The following AOPEP variants were observed in gnomAD, a reference collection of about 807,000 sequenced individuals.
The protein encoded by AOPEP is aminopeptidase O.
Under a neutral mutation model 98.1 loss-of-function variants are expected in AOPEP, and 77 were observed. The observed-to-expected ratio is 0.78, with a 90% CI of 0.65 to 0.95. The LOEUF (loss-of-function observed/expected upper bound fraction) is 0.95, where lower values mean the gene tolerates loss of function less well. Ranked by LOEUF, AOPEP falls within the 40% of genes least tolerant of loss-of-function variation. The pLI is 0.00. For synonymous variants in AOPEP, 346 were observed against 365.3 expected (o/e 0.95, Z 0.60); for missense variants, 1,024 against 1,024.7 (o/e 1.00, Z 0.01).
At chr9:95,056,490 T>C (rs2066833143) in intron 13 of AOPEP, 1 of 152,300 alleles carries the variant, frequency 6.6e-6, no homozygotes, top group Non-Finnish European at 1.5e-5. Flanking sequence ...GAAGAAATGG[T>C]GGCGGAACCT....
At chr9:94,874,587 A>G (rs1191061133) in intron 5 of AOPEP, among the ~76,000 whole-genome samples, 3 of 152,088 alleles carry the variant, frequency 2.0e-5, no homozygotes, top group Non-Finnish European at 4.4e-5. Context: ...TAAAAGAATT[A>G]TTGTTTTGAT....
At chr9:94,847,909 T>G (rs962153712) in intron 5 of AOPEP, among the ~76,000 whole-genome samples, 2 of 152,238 alleles carry the variant, frequency 1.3e-5, no homozygotes, top group African/African-American at 4.8e-5. Context: ...AGTTCTTTAC[T>G]TGGTCCTTGG....
chr9:94,871,009 C>G (rs1342587147), intron 5 of AOPEP, among the ~76,000 whole-genome samples: 1 of 152,132 alleles, frequency 6.6e-6, no homozygotes, highest in African/African-American at 2.4e-5. Context: ...TCTTTCTTTC[C>G]ACTCCTTTTT....
At chr9:95,094,952 T>C in the AOPEP span, among the ~76,000 whole-genome samples, 16 of 152,358 alleles carry the variant, frequency 1.1e-4, no homozygotes, top group Admixed American at 9.8e-4. Context: ...CTTCTAAGGC[T>C]GAGGACCATC....
chr9:94,871,555 TGGA>T (rs1314904270), intron 5 of AOPEP, among the ~76,000 whole-genome samples: 1 of 152,238 alleles, frequency 6.6e-6, no homozygotes, highest in Non-Finnish European at 1.5e-5. Context: ...TTACTAATGT[TGGA>T]GTGTCAGATT....
chr9:95,083,597 C>T (rs557754017), intron 16 of AOPEP, among the ~76,000 whole-genome samples: 1 of 151,654 alleles, frequency 6.6e-6, no homozygotes, highest in Admixed American at 6.6e-5. Flanking sequence ...ACACACAGCA[C>T]ATGCACCACA....
the AOPEP span, among the ~76,000 whole-genome samples, chr9:95,118,823 G>A: frequency 6.6e-6 from 1 of 152,226 alleles, no homozygotes; most frequent in Non-Finnish European, 1.5e-5. Flanking sequence ...TCCTCTTGAT[G>A]TGCATTTGGG....
intron 14 of AOPEP, among the ~76,000 whole-genome samples, chr9:95,070,668 A>G (rs1384721015): frequency 2.0e-5 from 3 of 152,278 alleles, no homozygotes; most frequent in African/African-American, 7.2e-5. Context: ...TGCATGCCCC[A>G]GACTTGCATG....
chr9:95,086,292 C>T, intron 16 of AOPEP: 4 of 985,434 alleles, frequency 4.1e-6, no homozygotes, highest in Non-Finnish European at 4.8e-6. Flanking sequence ...GTTAAGAGCT[C>T]CCAGGCCTGA....
intron 13 of AOPEP, among the ~76,000 whole-genome samples, chr9:95,052,799 A>G (rs1310653987): frequency 6.6e-6 from 1 of 152,204 alleles, no homozygotes; most frequent in African/African-American, 2.4e-5. Flanking sequence ...ATATTTTATA[A>G]TTTGTTAGTA....
the AOPEP span, among the ~76,000 whole-genome samples, chr9:95,094,667 CTT>C: frequency 1.8e-4 from 27 of 152,232 alleles, no homozygotes; most frequent in African/African-American, 6.3e-4. Context: ...ATCTCTGCCT[CTT>C]TTTTCTTTTT....
chr9:94,988,521 C>A (rs1221287707), intron 11 of AOPEP, among the ~76,000 whole-genome samples: 2 of 152,132 alleles, frequency 1.3e-5, no homozygotes, highest in Non-Finnish European at 2.9e-5. Flanking sequence ...AGAGAGAAAG[C>A]TAATATTTGC....
At chr9:94,952,343 G>T (rs915081121) in intron 7 of AOPEP, among the ~76,000 whole-genome samples, 3 of 152,184 alleles carry the variant, frequency 2.0e-5, no homozygotes, top group African/African-American at 7.2e-5. Context: ...GGATTTTTAT[G>T]ATTTATCCCC....
At chr9:94,866,721 T>C (rs2045743733) in intron 5 of AOPEP, among the ~76,000 whole-genome samples, 1 of 152,222 alleles carries the variant, frequency 6.6e-6, no homozygotes, top group Non-Finnish European at 1.5e-5. Context: ...ACATCAAATA[T>C]AAGTCTTTTT....
At chr9:94,835,010 C>T (rs2041407856) in intron 5 of AOPEP, among the ~76,000 whole-genome samples, 1 of 151,984 alleles carries the variant, frequency 6.6e-6, no homozygotes, top group Non-Finnish European at 1.5e-5. Flanking sequence ...CTTATGGGTA[C>T]CTGAGAAAGG....
the AOPEP span, among the ~76,000 whole-genome samples, chr9:95,125,361 G>A: frequency 6.6e-6 from 1 of 152,190 alleles, no homozygotes; most frequent in Admixed American, 6.5e-5. Flanking sequence ...GTCGCTCCCT[G>A]TTATATTTTC....
intron 5 of AOPEP, among the ~76,000 whole-genome samples, chr9:94,910,455 C>T (rs532084920): frequency 7.9e-5 from 12 of 152,322 alleles, no homozygotes; most frequent in Admixed American, 5.9e-4. Flanking sequence ...GCACATCAAC[C>T]GCGGATCTTC....
At chr9:94,823,738 C>G (rs189445164) in intron 5 of AOPEP, among the ~76,000 whole-genome samples, 1 of 152,108 alleles carries the variant, frequency 6.6e-6, no homozygotes, top group East Asian at 1.9e-4. Flanking sequence ...TTGGAGAATT[C>G]GTCAGAGTTT....
At chr9:94,927,838 C>T (rs765757185) in intron 6 of AOPEP, among the ~76,000 whole-genome samples, 2 of 152,206 alleles carry the variant, frequency 1.3e-5, no homozygotes, top group African/African-American at 2.4e-5. Flanking sequence ...CCTTCCCTCA[C>T]AGAGGTCGGG....
Sources: allele counts gnomAD v4.1 joint callset (sites outside exome capture counted in the v4.1 genomes callset), GRCh38; gene constraint gnomAD v4.1.1; transcripts MANE v1.5; gene names NCBI Gene and HGNC (gene_info 2026-07-23, HGNC 2026-07-21).